Variants in MAGI2 observed in about 807,000 individuals in gnomAD.
The protein encoded by MAGI2 is membrane-associated guanylate kinase, WW and PDZ domain-containing protein 2.
MAGI2 carries 35 observed loss-of-function variants against 133.3 expected under a neutral mutation model. The observed-to-expected ratio is 0.26, with a 90% CI of 0.20 to 0.35. MAGI2 has a LOEUF of 0.35. Among genes scored for constraint, MAGI2 ranks in the 10% least tolerant of loss-of-function variants. The pLI is 1.00. For missense variants in MAGI2, 1,636 were observed against 1,863.4 expected, an observed-to-expected ratio of 0.88 and a Z score of 2.25; for synonymous variants, 729 against 710.6, an observed-to-expected ratio of 1.03 and a Z score of -0.41.
intron 2 of MAGI2, among the ~76,000 whole-genome samples, chr7:78,627,615 G>T (rs1808510217): frequency 6.6e-6 from 1 of 152,158 alleles, no homozygotes; most frequent in Admixed American, 6.5e-5. Flanking sequence ...TTGTCCTGCA[G>T]ACTGCTGTGC....
intron 3 of MAGI2, among the ~76,000 whole-genome samples, chr7:78,558,321 G>A (rs1387202203): frequency 6.6e-6 from 1 of 152,144 alleles, no homozygotes; most frequent in African/African-American, 2.4e-5. Context: ...GATCTCAGCT[G>A]ATTCACTGTG....
chr7:79,053,405 T>C (rs191288648), intron 1 of MAGI2, among the ~76,000 whole-genome samples: 1 of 152,326 alleles, frequency 6.6e-6, no homozygotes, highest in East Asian at 1.9e-4. Context: ...GTATAAACTT[T>C]ATGCCCAGCA....
intron 9 of MAGI2, among the ~76,000 whole-genome samples, chr7:78,302,383 G>A (rs1234137542): frequency 1.3e-5 from 2 of 152,152 alleles, no homozygotes; most frequent in African/African-American, 4.8e-5. Flanking sequence ...TGGTCACCGG[G>A]TCTGTCAGTG....
In MAGI2 at chr7:79,425,398, G is replaced by A. The variant is rs550313719; in HGVS notation, c.301+27622C>T. Reference sequence around the variant, plus strand: ...AAATTAGTAGTATTCTGACTTCTACGTAACTGTTGAACTACCACACCAGTC... The same window carrying A: ...AAATTAGTAGTATTCTGACTTCTACATAACTGTTGAACTACCACACCAGTC... On this transcript the variant is annotated intron_variant, in intron 1 of 21. Coordinates refer to ENST00000354212, the MANE Select transcript of MAGI2 (RefSeq NM_012301.4). 5.9e-5 allele frequency among the ~76,000 whole-genome samples: 9 copies of A among 151,768 alleles called. No homozygotes were observed. In the South Asian group the frequency reaches 6.2e-4, roughly 11 times the overall value.
At chr7:78,361,318 G>A (rs143255987) in intron 7 of MAGI2, among the ~76,000 whole-genome samples, 59 of 151,922 alleles carry the variant, frequency 3.9e-4, no homozygotes, top group African/African-American at 1.4e-3. Flanking sequence ...GCTTGAAACC[G>A]GGAGGCGGAG....
At chr7:78,374,610 T>C (rs1794256329) in intron 6 of MAGI2, among the ~76,000 whole-genome samples, 1 of 152,104 alleles carries the variant, frequency 6.6e-6, no homozygotes, top group Non-Finnish European at 1.5e-5. Context: ...TTTTGAGAAC[T>C]TGAAGTTGGT....
intron 2 of MAGI2, among the ~76,000 whole-genome samples, chr7:78,762,628 T>G (rs572657465): frequency 1.3e-5 from 2 of 152,314 alleles, no homozygotes; most frequent in East Asian, 3.9e-4. Context: ...ACAACCTCTA[T>G]TAGGTAATGG....
At chr7:78,946,340 T>C (rs1044208215) in intron 2 of MAGI2, among the ~76,000 whole-genome samples, 3 of 152,164 alleles carry the variant, frequency 2.0e-5, no homozygotes, top group Non-Finnish European at 4.4e-5. Flanking sequence ...AATTTGCTTA[T>C]CACATACAAA....
chr7:78,624,106 G>T (rs142269347), intron 3 of MAGI2, among the ~76,000 whole-genome samples: 1 of 151,828 alleles, frequency 6.6e-6, no homozygotes, highest in Admixed American at 6.6e-5. Flanking sequence ...TTTCATGTTT[G>T]TTGGCCACTT....
chr7:78,878,440 C>T (rs1218794849), intron 2 of MAGI2, among the ~76,000 whole-genome samples: 3 of 152,106 alleles, frequency 2.0e-5, no homozygotes, highest in African/African-American at 7.2e-5. Context: ...ATGTGTTTCT[C>T]AATTCTTAAT....
chr7:79,288,239 T>A (rs1836176153), intron 1 of MAGI2, among the ~76,000 whole-genome samples: 1 of 152,180 alleles, frequency 6.6e-6, no homozygotes, highest in Non-Finnish European at 1.5e-5. Flanking sequence ...TGCTTCAGCT[T>A]CTTCATCTAG....
chr7:78,116,877 C>A, intron 20 of MAGI2, among the ~76,000 whole-genome samples: 1 of 150,140 alleles, frequency 6.7e-6, no homozygotes, highest in South Asian at 2.1e-4. Context: ...GATCCTGTCT[C>A]AAAAATGAAA....
At chr7:78,472,072 T>A (rs1282821913) in intron 6 of MAGI2, among the ~76,000 whole-genome samples, 4 of 152,116 alleles carry the variant, frequency 2.6e-5, no homozygotes, top group African/African-American at 9.7e-5. Flanking sequence ...CTTGGTTTCC[T>A]CTCTGTAGTC....
At chr7:78,098,720 T>C (rs1817937044) in intron 20 of MAGI2, among the ~76,000 whole-genome samples, 1 of 152,146 alleles carries the variant, frequency 6.6e-6, no homozygotes, top group African/African-American at 2.4e-5. Context: ...CAATTTCCAG[T>C]AGTGACCGTA....
At chr7:79,290,691 A>G (rs1836405821) in intron 1 of MAGI2, among the ~76,000 whole-genome samples, 1 of 151,932 alleles carries the variant, frequency 6.6e-6, no homozygotes, top group Non-Finnish European at 1.5e-5. Context: ...CTTTTCCACG[A>G]TATGGTTCTA....
intron 3 of MAGI2, among the ~76,000 whole-genome samples, chr7:78,531,171 T>C (rs1797435096): frequency 1.3e-5 from 2 of 151,928 alleles, no homozygotes; most frequent in African/African-American, 4.8e-5. Flanking sequence ...TCTTTTTGAA[T>C]GGAAACCTTT....
intron 1 of MAGI2, among the ~76,000 whole-genome samples, chr7:79,158,416 C>A (rs1824030507): frequency 6.6e-6 from 1 of 151,940 alleles, no homozygotes; most frequent in African/African-American, 2.4e-5. Flanking sequence ...TAAGAAAAAT[C>A]TTTAATAAAT....
chr7:78,617,424 C>T (rs747756696), intron 3 of MAGI2: 1 of 151,974 alleles, frequency 6.6e-6, no homozygotes, highest in South Asian at 2.1e-4. Flanking sequence ...ACAATTGATC[C>T]TGATTTTGTC....
At chr7:78,458,791 C>T (rs551770077) in intron 6 of MAGI2, among the ~76,000 whole-genome samples, 4 of 152,040 alleles carry the variant, frequency 2.6e-5, no homozygotes, top group Non-Finnish European at 5.9e-5. Flanking sequence ...CCCACCACCA[C>T]GCCTGGCTAA....
Sources: allele counts gnomAD v4.1 joint callset (sites outside exome capture counted in the v4.1 genomes callset), GRCh38; gene constraint gnomAD v4.1.1; transcripts MANE v1.5; gene names NCBI Gene and HGNC (gene_info 2026-07-23, HGNC 2026-07-21).